Variants in MLLT3 observed in about 807,000 individuals in gnomAD.
MLLT3 encodes protein AF-9.
MLLT3 carries 4 observed loss-of-function variants against 53.2 expected under a neutral mutation model. The ratio of observed to expected loss-of-function variants is 0.08; its 90% confidence interval spans 0.04 to 0.17. MLLT3 has a LOEUF of 0.17. MLLT3 is among the 10% of genes least tolerant of loss of function. The pLI is 1.00. For synonymous variants in MLLT3, 283 were observed against 230.6 expected, an observed-to-expected ratio of 1.23 and a Z score of -2.06; for missense variants, 569 against 684.0, an observed-to-expected ratio of 0.83 and a Z score of 1.87.
intron 2 of MLLT3, among the ~76,000 whole-genome samples, chr9:20,490,293 C>A (rs1824915855): frequency 6.6e-6 from 1 of 152,196 alleles, no homozygotes; most frequent in Non-Finnish European, 1.5e-5. Context: ...TGGTCCTAAT[C>A]TAACCACATG....
At chr9:20,415,419 T>C (rs1216773887) in intron 4 of MLLT3, 1 of 945,096 alleles carries the variant, frequency 1.1e-6, no homozygotes, top group Non-Finnish European at 1.3e-6. Flanking sequence ...AGGAACAAAA[T>C]CTAAGTCCAT....
intron 9 of MLLT3, 61 bp downstream of exon 9, chr9:20,354,747 C>G: frequency 8.8e-7 from 1 of 1,134,886 alleles, no homozygotes; most frequent in Non-Finnish European, 1.3e-6. Context: ...TCAAGGGCAA[C>G]ACAAAGAAAC....
intron 3 of MLLT3, among the ~76,000 whole-genome samples, chr9:20,454,033 G>A (rs974706756): frequency 6.6e-6 from 1 of 152,050 alleles, no homozygotes; most frequent in Non-Finnish European, 1.5e-5. Context: ...GAAAATCTAC[G>A]ATGTTCCAAA....
intron 5 of MLLT3, among the ~76,000 whole-genome samples, chr9:20,384,166 G>A (rs1332571038): frequency 2.0e-5 from 3 of 152,030 alleles, no homozygotes; most frequent in African/African-American, 7.2e-5. Flanking sequence ...ATGTTAACTT[G>A]TCTTGGTAGT....
At chr9:20,516,172 C>A (rs1817912458) in intron 2 of MLLT3, among the ~76,000 whole-genome samples, 1 of 152,238 alleles carries the variant, frequency 6.6e-6, no homozygotes, top group Non-Finnish European at 1.5e-5. Flanking sequence ...CCAATCCCAC[C>A]TGTGACCCAC....
chr9:20,542,292 G>A (rs534342971), intron 2 of MLLT3, among the ~76,000 whole-genome samples: 55 of 144,116 alleles, frequency 3.8e-4, no homozygotes, highest in Non-Finnish European at 5.5e-4. Flanking sequence ...CGCCCAGGCC[G>A]GACTGCGGAC....
intron 2 of MLLT3, among the ~76,000 whole-genome samples, chr9:20,505,136 T>C (rs1314744859): frequency 1.3e-5 from 2 of 152,132 alleles, no homozygotes; most frequent in African/African-American, 4.8e-5. Flanking sequence ...AATCAAAGCA[T>C]CCTGTCAAAA....
chr9:20,380,389 G>A (rs917090030), intron 5 of MLLT3: 1 of 151,922 alleles, frequency 6.6e-6, no homozygotes. Context: ...GTTAGGGATC[G>A]TTTCTGAATT....
chr9:20,501,699 C>A (rs1413636729), intron 2 of MLLT3, among the ~76,000 whole-genome samples: 2 of 140,618 alleles, frequency 1.4e-5, no homozygotes, highest in African/African-American at 5.3e-5. Context: ...TGCCGTGAGC[C>A]GAGATTGCGC....
chr9:20,521,743 A>G (rs1194265906), intron 2 of MLLT3, among the ~76,000 whole-genome samples: 1 of 152,198 alleles, frequency 6.6e-6, no homozygotes, highest in Non-Finnish European at 1.5e-5. Flanking sequence ...TTAAATAGGT[A>G]TTGAATCCTG....
intron 5 of MLLT3, among the ~76,000 whole-genome samples, chr9:20,367,905 G>A (rs1821499259): frequency 6.6e-6 from 1 of 152,132 alleles, no homozygotes; most frequent in Non-Finnish European, 1.5e-5. Flanking sequence ...TCCCAAGGTA[G>A]CACCAGGCTC....
chr9:20,421,235 G>C (rs1823000707), intron 4 of MLLT3, among the ~76,000 whole-genome samples: 1 of 152,034 alleles, frequency 6.6e-6, no homozygotes, highest in Non-Finnish European at 1.5e-5. Flanking sequence ...CTGCACTCCA[G>C]CCTGGGCAAT....
intron 2 of MLLT3, among the ~76,000 whole-genome samples, chr9:20,588,159 C>T (rs886249738): frequency 1.1e-4 from 17 of 152,046 alleles, no homozygotes; most frequent in African/African-American, 3.1e-4. Context: ...TGTAGATATG[C>T]GGCGTTATTT....
intron 2 of MLLT3, among the ~76,000 whole-genome samples, chr9:20,545,683 T>G (rs1818768079): frequency 6.6e-6 from 1 of 152,042 alleles, no homozygotes; most frequent in Admixed American, 6.6e-5. Context: ...TAGATTTAAA[T>G]CAGCCCGAGC....
chr9:20,370,022 C>CA (rs924054619), intron 5 of MLLT3, among the ~76,000 whole-genome samples: 6 of 152,158 alleles, frequency 3.9e-5, no homozygotes, highest in Non-Finnish European at 8.8e-5. Context: ...TTCTCACCAC[C>CA]AAAAAAATGT....
intron 2 of MLLT3, among the ~76,000 whole-genome samples, chr9:20,550,135 A>AAT (rs1223429707): frequency 6.6e-6 from 1 of 152,178 alleles, no homozygotes; most frequent in East Asian, 1.9e-4. Flanking sequence ...CATCTTAGAC[A>AAT]ATAGTTCTAA....
chr9:20,379,201 C>G (rs1821849490), intron 5 of MLLT3, among the ~76,000 whole-genome samples: 1 of 151,976 alleles, frequency 6.6e-6, no homozygotes, highest in Non-Finnish European at 1.5e-5. Flanking sequence ...AACATCTGCT[C>G]CCTTGAAATG....
intron 5 of MLLT3, among the ~76,000 whole-genome samples, chr9:20,395,055 G>T (rs900923854): frequency 6.6e-6 from 1 of 152,102 alleles, no homozygotes; most frequent in Non-Finnish European, 1.5e-5. Context: ...GAAGCTAAGC[G>T]TCAGAGGAAC....
At chr9:20,513,002 T>A (rs780560290) in intron 2 of MLLT3, among the ~76,000 whole-genome samples, 4 of 152,358 alleles carry the variant, frequency 2.6e-5, no homozygotes, top group Non-Finnish European at 5.9e-5. Flanking sequence ...TATTAAGAAC[T>A]GTAAGTGAGG....
Sources: allele counts gnomAD v4.1 joint callset (sites outside exome capture counted in the v4.1 genomes callset), GRCh38; gene constraint gnomAD v4.1.1; transcripts MANE v1.5; gene names NCBI Gene and HGNC (gene_info 2026-07-23, HGNC 2026-07-21).